The following CDH23 variants were observed in gnomAD, a reference collection of about 807,000 sequenced individuals.
The protein encoded by CDH23 is cadherin-23.
In CDH23, 189 loss-of-function variants were observed where a neutral mutation model predicts 317.1. That is an observed-to-expected ratio of 0.60 (90% CI 0.53 to 0.67). CDH23 has a LOEUF of 0.67. Ranked by LOEUF, CDH23 falls within the 30% of genes least tolerant of loss-of-function variation. The pLI, the probability that CDH23 is intolerant of heterozygous loss-of-function variation, is 0.00. For synonymous variants in CDH23, 1,839 were observed against 1,876.8 expected (o/e 0.98, Z 0.52); for missense variants, 4,401 against 4,592.4 (o/e 0.96, Z 1.20).
chr10:71,507,030 GGCCCAGTTGT>G (rs1468727482), intron 3 of CDH23, among the ~76,000 whole-genome samples: 1 of 152,090 alleles, frequency 6.6e-6, no homozygotes. Context: ...TGGGATATTG[GGCCCAGTTGT>G]GCAACCTTGG....
chr10:71,692,603 T>C (rs143734454), intron 20 of CDH23, among the ~76,000 whole-genome samples: 1 of 152,314 alleles, frequency 6.6e-6, no homozygotes, highest in East Asian at 1.9e-4. Flanking sequence ...GAGTCTTCCA[T>C]TCCTGGCCTC....
At chr10:71,433,447 C>T (rs763363614) in intron 1 of CDH23, among the ~76,000 whole-genome samples, 19 of 152,276 alleles carry the variant, frequency 1.2e-4, no homozygotes, top group Middle Eastern at 3.4e-3. Flanking sequence ...GATTCTCTGT[C>T]CAGTTGCCTC....
At chr10:71,547,699 A>G (rs1055736822) in intron 6 of CDH23, among the ~76,000 whole-genome samples, 1 of 152,228 alleles carries the variant, frequency 6.6e-6, no homozygotes, top group African/African-American at 2.4e-5. Context: ...GCAGAATTGC[A>G]AGGAAGAGTC....
intron 1 of CDH23, among the ~76,000 whole-genome samples, chr10:71,415,822 T>A (rs10823738): frequency 0.3 from 46,055 of 152,156 alleles, 7,152 homozygotes; most frequent in Middle Eastern, 0.45. Context: ...TTTACAGTTG[T>A]TTTTAAGCTT....
chr10:71,411,287 C>G (rs1848333027), intron 1 of CDH23, among the ~76,000 whole-genome samples: 1 of 152,062 alleles, frequency 6.6e-6, no homozygotes, highest in African/African-American at 2.4e-5. Flanking sequence ...CTCTATTTTT[C>G]TAAGTTTTAA....
At chr10:71,573,080 G>A (rs1036234565) in intron 8 of CDH23, among the ~76,000 whole-genome samples, 1 of 152,208 alleles carries the variant, frequency 6.6e-6, no homozygotes, top group African/African-American at 2.4e-5. Context: ...GCCTGCAGTG[G>A]TGCCTCCCTC....
chr10:71,472,299 G>A (rs1206328882), intron 3 of CDH23, among the ~76,000 whole-genome samples: 1 of 152,170 alleles, frequency 6.6e-6, no homozygotes, highest in Non-Finnish European at 1.5e-5. Flanking sequence ...TGTGTCTCTT[G>A]GCTCCTGTTA....
At chr10:71,759,559 C>T (rs1265488852) in intron 38 of CDH23, among the ~76,000 whole-genome samples, 1 of 151,566 alleles carries the variant, frequency 6.6e-6, no homozygotes, top group Non-Finnish European at 1.5e-5. Flanking sequence ...CCTGTAATCC[C>T]AGCACTTTGG....
intron 3 of CDH23, among the ~76,000 whole-genome samples, chr10:71,474,131 A>T (rs1404432327): frequency 6.6e-6 from 1 of 152,154 alleles, no homozygotes; most frequent in Non-Finnish European, 1.5e-5. Flanking sequence ...ACAATGCCAG[A>T]GGCACCAGCT....
chr10:71,598,000 C>G (rs556265203), intron 9 of CDH23, among the ~76,000 whole-genome samples: 1 of 152,274 alleles, frequency 6.6e-6, no homozygotes, highest in South Asian at 2.1e-4. Context: ...GTTGGTGTGG[C>G]AATGTGTAGG....
At chr10:71,598,811 G>C (rs1860030590) in intron 9 of CDH23, among the ~76,000 whole-genome samples, 1 of 152,280 alleles carries the variant, frequency 6.6e-6, no homozygotes, top group South Asian at 2.1e-4. Context: ...GCCTGTGTGA[G>C]CCAAGGGATG....
In CDH23 at chr10:71,437,267, C is replaced by T. The variant is rs145898585; in HGVS notation, c.-5-2560C>T. On this transcript the variant is annotated intron_variant, in intron 1 of 69. Transcript: ENST00000224721. ...GGTTGTATTTAATTGACCCAGCACT[C>T]CCACTGTTGGAGAACCACACTGAAG... Among the ~76,000 whole-genome samples, 294 of 152,252 alleles carry T rather than the reference C, an allele frequency of 1.9e-3. 2 individuals carry two copies. Among genetic ancestry groups the T allele is most frequent in the Non-Finnish European group, 3.6e-3 (246 of 68,016 alleles).
intron 3 of CDH23, among the ~76,000 whole-genome samples, chr10:71,466,543 C>T (rs775232817): frequency 1.4e-4 from 22 of 152,132 alleles, no homozygotes; most frequent in African/African-American, 2.9e-4. Flanking sequence ...TGCCTACCCA[C>T]GTGTGTTTGT....
intron 1 of CDH23, among the ~76,000 whole-genome samples, chr10:71,432,741 C>G (rs1849454792): frequency 6.6e-6 from 1 of 152,180 alleles, no homozygotes; most frequent in African/African-American, 2.4e-5. Context: ...AATCCGACCT[C>G]CTCGCCTAGC....
At chr10:71,775,635 G>C (rs975549636) in intron 38 of CDH23, among the ~76,000 whole-genome samples, 5 of 152,112 alleles carry the variant, frequency 3.3e-5, no homozygotes, top group Non-Finnish European at 5.9e-5. Context: ...TCCTCCCTCC[G>C]AGACCAGAGG....
chr10:71,583,333 C>T (rs1367192013), intron 9 of CDH23, among the ~76,000 whole-genome samples: 1 of 151,820 alleles, frequency 6.6e-6, no homozygotes, highest in Non-Finnish European at 1.5e-5. Flanking sequence ...AGGAGAATGC[C>T]AGCCCTGGTC....
chr10:71,739,569 G>A (rs1363646183), intron 35 of CDH23, 75 bp from the exon 36 acceptor site: 5 of 1,545,312 alleles, frequency 3.2e-6, no homozygotes, highest in Middle Eastern at 2.2e-4. Context: ...AGGAGGACCA[G>A]GGAGTCCCCC....
rs1446617335 is a variant in CDH23, at chr10:71,397,262, G to A, written c.-62G>A. On this transcript the variant is annotated 5_prime_UTR_variant, in exon 1 of 70. Transcript: ENST00000224721. The surrounding 1 kb of genome is among the most constrained non-coding windows in gnomAD (Gnocchi z 4.8). Reference sequence around the variant, plus strand: ...CAGGCGGCCCGCGGGGGCCGATCCGGCGGAGAGCAGAGCCCGAGGCGAGGC... The same window carrying A: ...CAGGCGGCCCGCGGGGGCCGATCCGACGGAGAGCAGAGCCCGAGGCGAGGC... 5.3e-6 allele frequency: 1 copy of A among 187,092 alleles called. No homozygotes were observed. Among genetic ancestry groups the A allele is most frequent in the Non-Finnish European group, 1.1e-5 (1 of 91,638 alleles). The allele number at this position is 187,092 out of a possible 1,614,324, so 11.6% of individuals were successfully genotyped here. A position where few individuals can be genotyped will look rare whatever the true frequency, so the allele number is the denominator to read the frequency against.
intron 11 of CDH23, among the ~76,000 whole-genome samples, chr10:71,626,243 G>C (rs997849366): frequency 5.3e-5 from 8 of 152,148 alleles, no homozygotes; most frequent in African/African-American, 1.9e-4. Context: ...ACTCTCAGAA[G>C]GGTCGTGGCA....
Sources: gnomAD v4.1 joint callset for allele counts (sites outside exome capture counted in the v4.1 genomes callset) on GRCh38, gnomAD v4.1.1 for gene constraint, Gnocchi (gnomAD v3.1) non-coding constraint, MANE v1.5 for transcripts, NCBI Gene and HGNC (gene_info 2026-07-23, HGNC 2026-07-21) for gene names.